The following AP3B1 variants were observed in gnomAD, a reference collection of about 807,000 sequenced individuals.
The protein encoded by AP3B1 is adaptor related protein complex 3 subunit beta 1.
A neutral mutation model predicts 132.5 loss-of-function variants in AP3B1; 61 were observed. The ratio of observed to expected loss-of-function variants is 0.46; its 90% CI spans 0.37 to 0.57. The LOEUF is 0.57. AP3B1 is among the 20% of genes least tolerant of loss of function. The pLI is 0.00. For synonymous variants in AP3B1, 388 were observed against 438.3 expected (o/e 0.89, Z 1.43); for missense variants, 1,120 against 1,289.4 (o/e 0.87, Z 2.01).
chr5:78,054,941 T>C (rs1748742111), intron 22 of AP3B1, among the ~76,000 whole-genome samples: 2 of 150,780 alleles, frequency 1.3e-5, no homozygotes, highest in African/African-American at 4.9e-5. Context: ...CACAAGTTGC[T>C]GAAAATTTCC....
chr5:78,061,837 C>G (rs1464405892), intron 22 of AP3B1, among the ~76,000 whole-genome samples: 3 of 152,158 alleles, frequency 2.0e-5, no homozygotes, highest in Non-Finnish European at 4.4e-5. Context: ...CCTTTCCACC[C>G]TTCTTTTTCT....
chr5:78,269,243 C>A (rs1344384561), intron 1 of AP3B1, among the ~76,000 whole-genome samples: 1 of 152,042 alleles, frequency 6.6e-6, no homozygotes, highest in African/African-American at 2.4e-5. Context: ...TTTAATTTAC[C>A]TGTGTCTTCA....
intron 23 of AP3B1, among the ~76,000 whole-genome samples, chr5:78,035,214 T>C (rs2112093051): frequency 6.6e-6 from 1 of 152,074 alleles, no homozygotes; most frequent in South Asian, 2.1e-4. Flanking sequence ...TTATTCTGCT[T>C]ATGATTTGAA....
chr5:78,140,024 G>T (rs754178049), intron 15 of AP3B1, among the ~76,000 whole-genome samples: 1 of 152,084 alleles, frequency 6.6e-6, no homozygotes, highest in Non-Finnish European at 1.5e-5. Flanking sequence ...AGGACACAGA[G>T]CATAAAGCTT....
At chr5:78,082,442 A>T (rs1290075430) in intron 22 of AP3B1, among the ~76,000 whole-genome samples, 1 of 152,240 alleles carries the variant, frequency 6.6e-6, no homozygotes, top group African/African-American at 2.4e-5. Context: ...TTCAGGGTTT[A>T]CAGCTACAGA....
chr5:78,121,309 C>G (rs1428650923), intron 17 of AP3B1, among the ~76,000 whole-genome samples: 3 of 152,134 alleles, frequency 2.0e-5, no homozygotes, highest in Admixed American at 6.5e-5. Context: ...CAAACACATT[C>G]AAAAGCTAGC....
chr5:78,171,675 C>T (rs1400710126), intron 11 of AP3B1, among the ~76,000 whole-genome samples: 1 of 152,184 alleles, frequency 6.6e-6, no homozygotes, highest in African/African-American at 2.4e-5. Context: ...ACAATCATGT[C>T]ATCTGCAAAC....
intron 26 of AP3B1, among the ~76,000 whole-genome samples, chr5:78,011,776 G>A (rs1580236186): frequency 6.6e-6 from 1 of 152,064 alleles, no homozygotes; most frequent in Admixed American, 6.5e-5. Flanking sequence ...GGCATTTAAT[G>A]TAAAAATGTA....
intron 5 of AP3B1, among the ~76,000 whole-genome samples, chr5:78,226,216 G>A (rs952856999): frequency 7.2e-5 from 11 of 152,058 alleles, no homozygotes; most frequent in African/African-American, 1.9e-4. Flanking sequence ...CTTTTAAGCC[G>A]TTAGAGTGAG....
At chr5:78,202,552 A>AGTGTGTGTGTGT (rs36209977) in intron 7 of AP3B1, among the ~76,000 whole-genome samples, 2,081 of 146,106 alleles carry the variant, frequency 0.014, 21 homozygotes, top group Admixed American at 0.023. Context: ...CCATATATTC[A>AGTGTGTGTGTGT]GTGTGTGTGT....
intron 2 of AP3B1, among the ~76,000 whole-genome samples, chr5:78,246,249 C>A (rs570705918): frequency 6.6e-6 from 1 of 152,166 alleles, no homozygotes; most frequent in South Asian, 2.1e-4. Flanking sequence ...TCAGCCCCAA[C>A]ATCAATGTTT....
At chr5:78,229,279 C>A (rs1024653822) in intron 3 of AP3B1, among the ~76,000 whole-genome samples, 1 of 152,108 alleles carries the variant, frequency 6.6e-6, no homozygotes, top group African/African-American at 2.4e-5. Context: ...AAGTTTACAA[C>A]AAAATTATGA....
chr5:78,024,861 C>T (rs2112074256), intron 24 of AP3B1, among the ~76,000 whole-genome samples: 1 of 142,570 alleles, frequency 7.0e-6, no homozygotes, highest in South Asian at 2.2e-4. Flanking sequence ...CTGCGCCTGG[C>T]CTTTTTTTTT....
intron 11 of AP3B1, among the ~76,000 whole-genome samples, chr5:78,169,295 T>G (rs1432458241): frequency 6.6e-6 from 1 of 152,170 alleles, no homozygotes; most frequent in Non-Finnish European, 1.5e-5. Context: ...CCAATCAACC[T>G]GCCAACCAAG....
chr5:78,249,129 C>A (rs555627867), intron 2 of AP3B1, among the ~76,000 whole-genome samples: 187 of 151,970 alleles, frequency 1.2e-3, no homozygotes, highest in African/African-American at 4.2e-3. Flanking sequence ...CTGAGGAGGG[C>A]GGATCACCTG....
intron 7 of AP3B1, among the ~76,000 whole-genome samples, chr5:78,207,150 T>A (rs763807222): frequency 6.7e-5 from 10 of 150,034 alleles, no homozygotes; most frequent in Non-Finnish European, 1.2e-4. Context: ...CCCAGCTACT[T>A]GGGAGGCTGA....
chr5:78,116,984 A>C (rs1287147844), intron 17 of AP3B1, among the ~76,000 whole-genome samples: 1 of 151,914 alleles, frequency 6.6e-6, no homozygotes, highest in African/African-American at 2.4e-5. Flanking sequence ...ACAGCCCAAT[A>C]CAACCATCCT....
At chr5:78,184,695 A>AAAAAAAAAAAAAAAAAAAAAC (rs1744529547) in intron 7 of AP3B1, among the ~76,000 whole-genome samples, 1 of 151,992 alleles carries the variant, frequency 6.6e-6, no homozygotes, top group African/African-American at 2.4e-5. Flanking sequence ...TCAAAAAAAA[A>AAAAAAAAAAAAAAAAAAAAAC]AAAACAGAGT....
rs767395436 is a variant in AP3B1 at position 78,003,078 on chromosome 5, C to T, written c.3132-23G>A. On this transcript the variant is annotated intron_variant, in intron 26 of 26. Transcript: ENST00000255194. ...AACCTGGAAGAGAAAAAAGAGAGACCTTTTATCATAAGATGGGGAGGGTAA... is the reference window on the plus strand; with the variant it reads ...AACCTGGAAGAGAAAAAAGAGAGACTTTTTATCATAAGATGGGGAGGGTAA... 6 of 1,612,814 alleles carry T rather than the reference C, an allele frequency of 3.7e-6. No individual in the cohort carries two copies. The African/African-American group carries it at 4.0e-5, about 11-fold the overall frequency.
Sources: gnomAD v4.1 joint callset for allele counts (sites outside exome capture counted in the v4.1 genomes callset) on GRCh38, gnomAD v4.1.1 for gene constraint, MANE v1.5 for transcripts, NCBI Gene and HGNC (gene_info 2026-07-23, HGNC 2026-07-21) for gene names.